The following CCDC18 variants were observed in gnomAD, a reference collection of about 807,000 sequenced individuals.
The protein encoded by CCDC18 is coiled-coil domain-containing protein 18.
Under a neutral mutation model 196.0 loss-of-function variants are expected in CCDC18, and 157 were observed. The observed-to-expected ratio is 0.80, with a 90% CI of 0.70 to 0.91. CCDC18 has a LOEUF of 0.91. Among genes scored for constraint, CCDC18 ranks in the 40% least tolerant of loss-of-function variants. The pLI is 0.00. For synonymous variants in CCDC18, 482 were observed against 529.2 expected (o/e 0.91, Z 1.22); for missense variants, 1,465 against 1,611.6 (o/e 0.91, Z 1.56).
chr1:93,245,227 A>G (rs1454019670), intron 21 of CCDC18, among the ~76,000 whole-genome samples: 1 of 152,232 alleles, frequency 6.6e-6, no homozygotes, highest in East Asian at 1.9e-4. Flanking sequence ...TCTAGCTAAC[A>G]GATGAATTGT....
At chr1:93,232,969 TAA>T (rs1197690862) in intron 18 of CCDC18, among the ~76,000 whole-genome samples, 225 of 144,938 alleles carry the variant, frequency 1.6e-3, no homozygotes, top group African/African-American at 5.5e-3. Flanking sequence ...AGACTCCGCC[TAA>T]AAAAAAAAAA....
At chr1:93,252,343 A>C (rs531673971) in intron 23 of CCDC18, among the ~76,000 whole-genome samples, 5 of 152,308 alleles carry the variant, frequency 3.3e-5, no homozygotes, top group African/African-American at 1.2e-4. Context: ...AGTTCTGATT[A>C]TATATTTTCA....
At position 93,183,995 on chromosome 1, in the gene CCDC18, A is replaced by G; in HGVS notation, c.152A>G (p.Asn51Ser). 2.6e-6 allele frequency: 4 copies of G among 1,537,626 alleles called. No individual in the cohort carries two copies. Among genetic ancestry groups the G allele is most frequent in the South Asian group, 1.3e-5 (1 of 76,310 alleles). Reference sequence around the variant, plus strand: ...TTCTCTAGTGTTAGTCCAAGTGAAAATTCTGATTATGCCCCTAATCCTTCA... The same window carrying G: ...TTCTCTAGTGTTAGTCCAAGTGAAAGTTCTGATTATGCCCCTAATCCTTCA... ...EELSSVSPSENSDYAPNPSRS... is the reference protein window; with the variant it reads ...EELSSVSPSESSDYAPNPSRS... Residue 51 changes from asparagine to serine, a missense_variant, in exon 3 of 29, where the codon AAT (asparagine) becomes AGT (serine). Asn to Ser is a conservative substitution (Grantham distance 46). Transcript: ENST00000690025.
chr1:93,193,254 A>G (rs1287308813), intron 5 of CCDC18, among the ~76,000 whole-genome samples: 1 of 152,160 alleles, frequency 6.6e-6, no homozygotes, highest in Admixed American at 6.5e-5. Flanking sequence ...ACTACTTATT[A>G]CCTTTTCATA....
chr1:93,270,315 T>C lies in CCDC18; in HGVS notation c.3886-32T>C, dbSNP rs929668232. On this transcript the variant is annotated intron_variant, in intron 27 of 28. Transcript: ENST00000690025. Reference sequence around the variant, plus strand: ...GTTCATTCATTTAACAAAAATGTATTGAGCACCTACTATGTACCAATTTAT... The same window carrying C: ...GTTCATTCATTTAACAAAAATGTATCGAGCACCTACTATGTACCAATTTAT... 29 of 1,269,904 alleles carry C rather than the reference T, an allele frequency of 2.3e-5. No individual in the cohort carries two copies. The East Asian group carries it at 7.1e-4, about 31-fold the overall frequency. 78.7% of individuals were successfully genotyped at this position (1,269,904 alleles called of 1,614,324 possible). A position where few individuals can be genotyped will look rare whatever the true frequency, so the allele number is the denominator to read the frequency against.
At chr1:93,259,888 T>A (rs914790251) in intron 26 of CCDC18, among the ~76,000 whole-genome samples, 7 of 152,232 alleles carry the variant, frequency 4.6e-5, no homozygotes, top group African/African-American at 1.7e-4. Flanking sequence ...CTGTTCTGTT[T>A]TTAAGTATAA....
intron 4 of CCDC18, chr1:93,190,893 G>T: frequency 1.4e-6 from 1 of 739,234 alleles, no homozygotes; most frequent in South Asian, 1.3e-5. Context: ...CCTTTTTCTG[G>T]AAAATCTACT....
intron 18 of CCDC18, among the ~76,000 whole-genome samples, chr1:93,234,989 T>TC (rs1161199988): frequency 7.1e-6 from 1 of 140,288 alleles, no homozygotes; most frequent in East Asian, 2.4e-4. Flanking sequence ...TCTTTTTTTT[T>TC]CTTTTTTTTT....
chr1:93,246,557 T>A (rs1165415069), intron 22 of CCDC18, among the ~76,000 whole-genome samples: 1 of 152,160 alleles, frequency 6.6e-6, no homozygotes, highest in Non-Finnish European at 1.5e-5. Context: ...TGAACACAAC[T>A]ATATTTTATT....
chr1:93,234,825 C>G (rs796590925), intron 18 of CCDC18, among the ~76,000 whole-genome samples: 1 of 148,726 alleles, frequency 6.7e-6, no homozygotes, highest in African/African-American at 2.5e-5. Flanking sequence ...CTTTGTCACC[C>G]AGGCTGGAGT....
intron 21 of CCDC18, among the ~76,000 whole-genome samples, chr1:93,240,811 T>C (rs1223196789): frequency 2.6e-5 from 4 of 152,168 alleles, no homozygotes; most frequent in African/African-American, 7.2e-5. Flanking sequence ...TTAGCCAAAA[T>C]AGGACTCATA....
rs769739393 is a variant in CCDC18, at chr1:93,278,446, A to G, written c.4354-17A>G. 1 of 1,069,138 alleles carries G rather than the reference A, an allele frequency of 9.4e-7. No homozygotes were observed. The highest frequency in any genetic ancestry group is 2.0e-5 in the South Asian group (1 of 51,142). The allele number at this position is 1,069,138 out of a possible 1,614,324, so 66.2% of individuals were successfully genotyped here. On this transcript the variant is annotated splice_polypyrimidine_tract_variant and intron_variant, in intron 28 of 28. Coordinates refer to ENST00000690025, the MANE Select transcript of CCDC18 (RefSeq NM_001378204.1). Reference sequence around the variant, plus strand: ...GGAATATTTCAAATATTAATCTATTATTTTGCATTATTCTAGGGAGAAAAT... The same window carrying G: ...GGAATATTTCAAATATTAATCTATTGTTTTGCATTATTCTAGGGAGAAAAT...
At chr1:93,229,630 G>A (rs1455936875) in intron 17 of CCDC18, among the ~76,000 whole-genome samples, 2 of 152,162 alleles carry the variant, frequency 1.3e-5, no homozygotes, top group Non-Finnish European at 2.9e-5. Flanking sequence ...AAAACTACAT[G>A]TTGATTACCC....
At chr1:93,194,907 G>C (rs1450646001) in intron 6 of CCDC18, among the ~76,000 whole-genome samples, 1 of 152,134 alleles carries the variant, frequency 6.6e-6, no homozygotes, top group Non-Finnish European at 1.5e-5. Context: ...GTCTTACTCT[G>C]TCTCGCAGGC....
intron 7 of CCDC18, among the ~76,000 whole-genome samples, 159 bp from the exon 8 acceptor site, chr1:93,205,351 C>A (rs1423557305): frequency 7.2e-5 from 11 of 152,136 alleles, no homozygotes; most frequent in Admixed American, 7.2e-4. Flanking sequence ...TGCCCAGGAA[C>A]TTCACTTTGC....
intron 14 of CCDC18, among the ~76,000 whole-genome samples, chr1:93,220,635 C>T (rs1473122474): frequency 6.6e-6 from 1 of 151,962 alleles, no homozygotes; most frequent in Non-Finnish European, 1.5e-5. Context: ...TTTCTTCAGC[C>T]GTTAAGTTCA....
At chr1:93,220,415 A>G (rs1448569962) in intron 14 of CCDC18, among the ~76,000 whole-genome samples, 2 of 152,248 alleles carry the variant, frequency 1.3e-5, no homozygotes, top group South Asian at 4.1e-4. Flanking sequence ...AAAATACCTG[A>G]GAGAAACTTG....
chr1:93,253,331 G>A (rs779572328), intron 23 of CCDC18, among the ~76,000 whole-genome samples: 1 of 152,208 alleles, frequency 6.6e-6, no homozygotes, highest in Non-Finnish European at 1.5e-5. Context: ...GGAGGTGCTG[G>A]AGCTGAGATT....
intron 5 of CCDC18, among the ~76,000 whole-genome samples, chr1:93,193,108 CTT>C (rs954687580): frequency 7.9e-5 from 12 of 151,998 alleles, no homozygotes; most frequent in African/African-American, 2.4e-4. Flanking sequence ...AGGTTACCGA[CTT>C]TTGTATAATA....
Sources: gnomAD v4.1 joint callset for allele counts (sites outside exome capture counted in the v4.1 genomes callset) on GRCh38, gnomAD v4.1.1 for gene constraint, MANE v1.5 for transcripts, NCBI Gene and HGNC (gene_info 2026-07-23, HGNC 2026-07-21) for gene names.